The following ERICH3 variants were observed in gnomAD, a reference collection of about 807,000 sequenced individuals.
ERICH3 encodes glutamate rich 3.
In ERICH3, 126 loss-of-function variants were observed where a neutral mutation model predicts 131.1. That is an observed-to-expected ratio of 0.96 (90% CI 0.83 to 1.11). ERICH3 has a LOEUF of 1.11. ERICH3 is among the 50% of genes most tolerant of loss of function. The probability of loss-of-function intolerance (pLI) is 0.00; values close to 1 mark genes in which losing one functional copy is unlikely to be tolerated. For missense variants in ERICH3, 2,050 were observed against 1,810.7 expected, an observed-to-expected ratio of 1.13 and a Z score of -2.40; for synonymous variants, 695 against 644.6, an observed-to-expected ratio of 1.08 and a Z score of -1.18.
At chr1:74,632,079 A>T (rs1320638689) in intron 6 of ERICH3, 151 bp from the exon 7 acceptor site, 2 of 679,950 alleles carry the variant, frequency 2.9e-6, no homozygotes, top group Non-Finnish European at 4.8e-6. Flanking sequence ...TCTGCTGAAA[A>T]ATGACACTTT....
At chr1:74,624,511 T>C (rs1056047261) in intron 7 of ERICH3, 2 of 152,318 alleles carry the variant, frequency 1.3e-5, no homozygotes, top group African/African-American at 4.8e-5. Context: ...ATAGTTACTC[T>C]TTTCATTTTC....
At chr1:74,635,060 G>A (rs752672553) in intron 6 of ERICH3, among the ~76,000 whole-genome samples, 19 of 151,978 alleles carry the variant, frequency 1.3e-4, no homozygotes, top group South Asian at 4.2e-4. Flanking sequence ...GCCCATTTTC[G>A]TTTATTATCT....
Position 74,673,464 on chromosome 1 carries a change from C to T in ERICH3, c.23+33G>A, listed in dbSNP as rs527287590. 20 of 1,610,280 alleles carry T rather than the reference C, an allele frequency of 1.2e-5. No individual in the cohort carries two copies. In the South Asian group the frequency reaches 2.1e-4, roughly 17 times the overall value. On this transcript the variant is annotated intron_variant, in intron 1 of 14. Coordinates refer to ENST00000326665, the MANE Select transcript of ERICH3 (RefSeq NM_001002912.5). ...GGCAGCTGGCTGAAGCCGCCACCTGCCACAGCGTGGAAAAGCTCCAGTTGT... is the reference window on the plus strand; with the variant it reads ...GGCAGCTGGCTGAAGCCGCCACCTGTCACAGCGTGGAAAAGCTCCAGTTGT...
chr1:74,656,488 A>G (rs1269352215), intron 1 of ERICH3, among the ~76,000 whole-genome samples: 1 of 152,150 alleles, frequency 6.6e-6, no homozygotes, highest in African/African-American at 2.4e-5. Context: ...CATTCCCATG[A>G]GCCCTTGCCC....
intron 1 of ERICH3, among the ~76,000 whole-genome samples, chr1:74,653,392 T>C (rs750424260): frequency 2.0e-5 from 3 of 151,464 alleles, no homozygotes; most frequent in Non-Finnish European, 2.9e-5. Flanking sequence ...TGTCTGTGTC[T>C]GGGTATGTAT....
At chr1:74,583,482 T>C (rs1442029338) in intron 12 of ERICH3, among the ~76,000 whole-genome samples, 2 of 150,610 alleles carry the variant, frequency 1.3e-5, no homozygotes, top group Admixed American at 6.6e-5. Flanking sequence ...GGTCTCTTTC[T>C]CTCTCTCTCT....
At chr1:74,590,182 A>G in intron 11 of ERICH3, 102 bp from the exon 12 acceptor site, 2 of 968,236 alleles carry the variant, frequency 2.1e-6, no homozygotes, top group East Asian at 5.3e-5. Context: ...ATTTTAAAAC[A>G]TAGTTTAATA....
chr1:74,577,843 T>C lies in ERICH3; in HGVS notation c.2177-907A>G, dbSNP rs529508158. Among the ~76,000 whole-genome samples the C allele has an allele frequency of 3.3e-5, 5 of 152,360 alleles. No individual in the cohort carries two copies. In the East Asian group the frequency reaches 9.6e-4, roughly 29 times the overall value. ...CTAGGAACGTGTGCTATGGCTTTTA[T>C]GACACCAATCATCACTGCTTTTCTA... On this transcript the variant is annotated intron_variant, in intron 12 of 14. Coordinates refer to ENST00000326665, the MANE Select transcript of ERICH3 (RefSeq NM_001002912.5).
At chr1:74,626,217 A>G (rs1236376580) in intron 7 of ERICH3, 2 of 152,192 alleles carry the variant, frequency 1.3e-5, no homozygotes, top group Non-Finnish European at 1.5e-5. Context: ...AACTAGCTGG[A>G]TGTGCAATGC....
chr1:74,602,268 C>T (rs1002171716), intron 10 of ERICH3, among the ~76,000 whole-genome samples: 1 of 151,962 alleles, frequency 6.6e-6, no homozygotes, highest in Non-Finnish European at 1.5e-5. Context: ...TCCCTGCTAT[C>T]ATCACATTTA....
At position 74,603,659 on chromosome 1, in the gene ERICH3, G is replaced by A. The variant is rs184193764; in HGVS notation, c.1489+2942C>T. ...GTTCCAGGCCATTGCAATAAAGATA[G>A]TGATATAAATTTTTTGGTTTCCCAG... On this transcript the variant is annotated intron_variant, in intron 10 of 14. Coordinates refer to ENST00000326665, the MANE Select transcript of ERICH3 (RefSeq NM_001002912.5). 3.3e-5 allele frequency among the ~76,000 whole-genome samples: 5 copies of A among 151,956 alleles called. No homozygotes were observed. The East Asian group carries it at 9.7e-4, about 29-fold the overall frequency.
chr1:74,651,715 C>T (rs1195092319), intron 1 of ERICH3, among the ~76,000 whole-genome samples: 3 of 151,946 alleles, frequency 2.0e-5, no homozygotes, highest in African/African-American at 4.8e-5. Context: ...TTAAAAAAAT[C>T]AATAATTTTG....
At chr1:74,666,455 A>G (rs866131612) in intron 1 of ERICH3, among the ~76,000 whole-genome samples, 5 of 152,188 alleles carry the variant, frequency 3.3e-5, no homozygotes, top group Non-Finnish European at 5.9e-5. Flanking sequence ...TCAGTAAGGT[A>G]TGATTTTTCA....
chr1:74,630,410 G>A (rs1649554267), intron 7 of ERICH3, among the ~76,000 whole-genome samples: 1 of 152,182 alleles, frequency 6.6e-6, no homozygotes, highest in Admixed American at 6.6e-5. Flanking sequence ...AGTGACATGT[G>A]CCACTCCTGA....
At chr1:74,610,577 G>C (rs565082008) in intron 9 of ERICH3, among the ~76,000 whole-genome samples, 1 of 151,148 alleles carries the variant, frequency 6.6e-6, no homozygotes, top group South Asian at 2.1e-4. Context: ...TCAATCGTTT[G>C]TATTAGCATA....
At chr1:74,593,853 T>C (rs1187176941) in intron 11 of ERICH3, among the ~76,000 whole-genome samples, 3 of 152,140 alleles carry the variant, frequency 2.0e-5, no homozygotes, top group Non-Finnish European at 4.4e-5. Flanking sequence ...TTTGTAATGA[T>C]AGACTGCAAT....
intron 1 of ERICH3, among the ~76,000 whole-genome samples, chr1:74,660,644 A>G (rs1570917431): frequency 6.7e-6 from 1 of 148,566 alleles, no homozygotes; most frequent in Non-Finnish European, 1.5e-5. Flanking sequence ...ATGTGTATAT[A>G]TGTGTATATA....
chr1:74,625,421 A>G (rs1447027065), intron 7 of ERICH3: 2 of 152,038 alleles, frequency 1.3e-5, no homozygotes, highest in Non-Finnish European at 2.9e-5. Context: ...TTTCAATCTC[A>G]GTTCCCTGGT....
chr1:74,572,036 C>A lies in ERICH3; in HGVS notation c.3674G>T (p.Gly1225Val). The stretch of plus-strand genomic sequence containing the variant: ...CAGCCCCTCAGGGGCCTGCACCTTT[C>A]CTGCTGGCTCAGCTTCAGGAGCTGC... Reference protein sequence around the residue: ...ALAAPEAEPAGKVQAPEGLIP... With the variant: ...ALAAPEAEPAVKVQAPEGLIP... The change falls in exon 14 of 15, where the codon GGA (glycine) becomes GTA (valine). Residue 1225 changes from glycine (G) to valine (V), a missense_variant. Coordinates refer to ENST00000326665, the MANE Select transcript of ERICH3 (RefSeq NM_001002912.5). 1 of 1,614,202 alleles carries A rather than the reference C, an allele frequency of 6.2e-7. No homozygotes were observed. The highest frequency in any genetic ancestry group is 8.5e-7 in the Non-Finnish European group (1 of 1,180,044).
Sources: allele counts gnomAD v4.1 joint callset (sites outside exome capture counted in the v4.1 genomes callset), GRCh38; gene constraint gnomAD v4.1.1; transcripts MANE v1.5; gene names NCBI Gene and HGNC (gene_info 2026-07-23, HGNC 2026-07-21).